The following PAWR variants were observed in gnomAD, a reference collection of about 807,000 sequenced individuals.
PAWR encodes the protein pro-apoptotic WT1 regulator.
Under a neutral mutation model 32.0 loss-of-function variants are expected in PAWR, and 23 were observed. That is an observed-to-expected ratio of 0.72 (90% CI 0.52 to 1.02). The LOEUF is 1.02. PAWR is among the 50% of genes least tolerant of loss of function. PAWR has a pLI of 0.00. For missense variants in PAWR, 457 were observed against 437.7 expected (o/e 1.04, Z -0.39); for synonymous variants, 226 against 187.1 (o/e 1.21, Z -1.70).
At chr12:79,615,368 C>A (rs961700466) in intron 3 of PAWR, among the ~76,000 whole-genome samples, 2 of 152,088 alleles carry the variant, frequency 1.3e-5, no homozygotes, top group Admixed American at 6.6e-5. Context: ...TAGTAATCTG[C>A]AGTTACAAAA....
chr12:79,671,832 C>G (rs1015225611), intron 2 of PAWR, among the ~76,000 whole-genome samples: 11 of 152,122 alleles, frequency 7.2e-5, no homozygotes, highest in African/African-American at 2.7e-4. Flanking sequence ...ACTTGGGAGG[C>G]TGAGGCAAGA....
Position 79,585,006 on chromosome 12 carries a change from A to T in PAWR, c.*7601T>A. The T allele has an allele frequency of 3.6e-6, 1 of 275,678 alleles. No homozygotes were observed. The allele number at this position is 275,678 out of a possible 1,614,324, so 17.1% of individuals were successfully genotyped here. On this transcript the variant is annotated 3_prime_UTR_variant, in exon 7 of 7. Transcript: ENST00000328827. Reference sequence around the variant, plus strand: ...CTTAACACAGACAAACAATGATTTTATTCCATAGTCTCTTGGACTTGAGAA... The same window carrying T: ...CTTAACACAGACAAACAATGATTTTTTTCCATAGTCTCTTGGACTTGAGAA...
chr12:79,649,406 G>T (rs1876732187), intron 2 of PAWR, among the ~76,000 whole-genome samples: 1 of 151,608 alleles, frequency 6.6e-6, no homozygotes, highest in Non-Finnish European at 1.5e-5. Flanking sequence ...ATATGTCAAG[G>T]ATATATATAA....
At chr12:79,600,648 C>CTTTTTTTTT (rs1025749975) in intron 4 of PAWR, among the ~76,000 whole-genome samples, 3 of 102,358 alleles carry the variant, frequency 2.9e-5, no homozygotes, top group African/African-American at 9.0e-5. Context: ...CCATACCTGG[C>CTTTTTTTTT]TTTTTTTTTT....
At chr12:79,655,888 A>C (rs889093285) in intron 2 of PAWR, among the ~76,000 whole-genome samples, 1 of 152,232 alleles carries the variant, frequency 6.6e-6, no homozygotes, top group Non-Finnish European at 1.5e-5. Flanking sequence ...ACAGTGTAAA[A>C]TATGTGAAAG....
At chr12:79,658,129 A>G (rs1877182226) in intron 2 of PAWR, among the ~76,000 whole-genome samples, 1 of 152,194 alleles carries the variant, frequency 6.6e-6, no homozygotes, top group African/African-American at 2.4e-5. Context: ...TAAGAAATCT[A>G]GAGGAATTTT....
At chr12:79,620,978 G>C (rs1267274674) in intron 3 of PAWR, 98 bp downstream of exon 3, 1 of 840,764 alleles carries the variant, frequency 1.2e-6, no homozygotes, top group Non-Finnish European at 1.8e-6. Context: ...GAGGAAAGGA[G>C]GCAATGGGAG....
intron 2 of PAWR, among the ~76,000 whole-genome samples, chr12:79,666,758 A>G (rs1251580162): frequency 6.6e-6 from 1 of 152,240 alleles, no homozygotes; most frequent in African/African-American, 2.4e-5. Flanking sequence ...TCCAATTAAT[A>G]ACAGGCATTT....
chr12:79,589,076 TAAC>T lies in PAWR; in HGVS notation c.*3528_*3530del, dbSNP rs1156312911. Reference sequence around the variant, plus strand: ...GGAATACAATCCTATAACAAGTTATTAACAATATCATGAATAGTTATTAAGTAA... The same window carrying T: ...GGAATACAATCCTATAACAAGTTATTAATATCATGAATAGTTATTAAGTAA... On this transcript the variant is annotated 3_prime_UTR_variant, in exon 7 of 7. Coordinates refer to ENST00000328827, the MANE Select transcript of PAWR (RefSeq NM_002583.4). 1 of 151,940 alleles carries T rather than the reference TAAC, an allele frequency of 6.6e-6. No homozygotes were observed. Among genetic ancestry groups the T allele is most frequent in the Non-Finnish European group, 1.5e-5 (1 of 67,876 alleles). The allele number at this position is 151,940 out of a possible 1,614,324, so 9.4% of individuals were successfully genotyped here.
At position 79,690,405 on chromosome 12, in the gene PAWR, C is replaced by T; in HGVS notation, c.-147-14G>A. On this transcript the variant is annotated splice_polypyrimidine_tract_variant and intron_variant, in intron 1 of 6. Coordinates refer to ENST00000328827, the MANE Select transcript of PAWR (RefSeq NM_002583.4). Reference sequence around the variant, plus strand: ...CAGCCGGCGGGGCTGAGGTGAAAGACAAAAGGGGGCGGGTAAGGGAAGCGT... The same window carrying T: ...CAGCCGGCGGGGCTGAGGTGAAAGATAAAAGGGGGCGGGTAAGGGAAGCGT... The T allele has an allele frequency of 7.6e-7, 1 of 1,317,032 alleles. No homozygotes were observed. The highest frequency in any genetic ancestry group is 9.7e-7 in the Non-Finnish European group (1 of 1,030,624). 81.6% of individuals were successfully genotyped at this position (1,317,032 alleles called of 1,614,324 possible). A position where few individuals can be genotyped will look rare whatever the true frequency, so the allele number is the denominator to read the frequency against.
chr12:79,640,379 A>G (rs551681741), intron 2 of PAWR, among the ~76,000 whole-genome samples: 27 of 152,230 alleles, frequency 1.8e-4, no homozygotes, highest in East Asian at 7.7e-4. Context: ...ACCTTCAATC[A>G]TACTACAACC....
chr12:79,637,628 C>T (rs754133707), intron 2 of PAWR, among the ~76,000 whole-genome samples: 5 of 150,626 alleles, frequency 3.3e-5, no homozygotes, highest in Non-Finnish European at 5.9e-5. Context: ...AAACAAATGA[C>T]GTCTTCTAAC....
intron 2 of PAWR, among the ~76,000 whole-genome samples, chr12:79,681,106 T>C (rs1878419814): frequency 1.9e-5 from 2 of 106,066 alleles, no homozygotes; most frequent in African/African-American, 3.7e-5. Flanking sequence ...AGAGATCCTG[T>C]CTCAGAAAAA....
chr12:79,636,057 C>T (rs561641670), intron 2 of PAWR, among the ~76,000 whole-genome samples: 1 of 152,168 alleles, frequency 6.6e-6, no homozygotes, highest in South Asian at 2.1e-4. Context: ...AAACATGCTG[C>T]TTTTGAAAGA....
At chr12:79,670,111 AGTT>A (rs1877818203) in intron 2 of PAWR, among the ~76,000 whole-genome samples, 1 of 152,240 alleles carries the variant, frequency 6.6e-6, no homozygotes, top group Admixed American at 6.5e-5. Context: ...AAAAAAATTA[AGTT>A]GTTAATCACA....
chr12:79,681,331 A>T (rs977302474), intron 2 of PAWR, among the ~76,000 whole-genome samples: 1 of 152,134 alleles, frequency 6.6e-6, no homozygotes, highest in African/African-American at 2.4e-5. Flanking sequence ...ATGGTGGCTC[A>T]TGCCTGTACT....
chr12:79,585,578 T>C lies in PAWR; in HGVS notation c.*7029A>G, dbSNP rs1565992054. The C allele has an allele frequency of 1.3e-5, 2 of 153,800 alleles. No homozygotes were observed. Among genetic ancestry groups the C allele is most frequent in the African/African-American group, 4.8e-5 (2 of 41,440 alleles). The allele number at this position is 153,800 out of a possible 1,614,324, so 9.5% of individuals were successfully genotyped here. A position where few individuals can be genotyped will look rare whatever the true frequency, so the allele number is the denominator to read the frequency against. ...CCACAAGTTTTTAAAAATTAAACAA[T>C]ATATAAAGCACCTAACACAGCCTGG... On this transcript the variant is annotated 3_prime_UTR_variant, in exon 7 of 7. Coordinates refer to ENST00000328827, the MANE Select transcript of PAWR (RefSeq NM_002583.4).
chr12:79,604,259 T>A (rs1874078893), intron 4 of PAWR: 1 of 985,626 alleles, frequency 1.0e-6, no homozygotes, highest in Non-Finnish European at 1.2e-6. Context: ...CACTCTTAGC[T>A]ACAAAGACAT....
intron 2 of PAWR, among the ~76,000 whole-genome samples, chr12:79,688,619 TA>T (rs1257371737): frequency 2.0e-5 from 3 of 152,146 alleles, no homozygotes; most frequent in African/African-American, 7.2e-5. Flanking sequence ...AACGCTCATA[TA>T]AATACGTCCT....
Sources: allele counts gnomAD v4.1 joint callset (sites outside exome capture counted in the v4.1 genomes callset), GRCh38; gene constraint gnomAD v4.1.1; transcripts MANE v1.5; gene names NCBI Gene and HGNC (gene_info 2026-07-23, HGNC 2026-07-21).